REEP3: variants seen among roughly 807,000 people sequenced by gnomAD.
REEP3 encodes receptor expression-enhancing protein 3.
Under a neutral mutation model 41.3 loss-of-function variants are expected in REEP3, and 20 were observed. The observed-to-expected ratio is 0.48, with a 90% CI of 0.34 to 0.70. The LOEUF is 0.70. Ranked by LOEUF, REEP3 falls within the 30% of genes least tolerant of loss-of-function variation. The pLI, the probability that REEP3 is intolerant of heterozygous loss-of-function variation, is 0.01. For synonymous variants in REEP3, 104 were observed against 101.8 expected (o/e 1.02, Z -0.13); for missense variants, 271 against 308.8 (o/e 0.88, Z 0.92).
chr10:63,615,436 G>C (rs1956304687), intron 6 of REEP3, among the ~76,000 whole-genome samples: 1 of 152,012 alleles, frequency 6.6e-6, no homozygotes, highest in African/African-American at 2.4e-5. Flanking sequence ...TTACAGGCAT[G>C]AGTCACCAAG....
At chr10:63,596,907 T>G (rs1277120174) in intron 3 of REEP3, among the ~76,000 whole-genome samples, 1 of 152,150 alleles carries the variant, frequency 6.6e-6, no homozygotes, top group Non-Finnish European at 1.5e-5. Flanking sequence ...CCTCCCAAAG[T>G]GCTGGGATTA....
intron 2 of REEP3, among the ~76,000 whole-genome samples, chr10:63,587,576 A>G (rs1363065758): frequency 6.6e-6 from 1 of 152,212 alleles, no homozygotes; most frequent in East Asian, 1.9e-4. Flanking sequence ...TTTTTCACAT[A>G]AAAGTCCTGG....
chr10:63,578,202 C>A (rs879713430), intron 2 of REEP3, among the ~76,000 whole-genome samples: 1 of 152,100 alleles, frequency 6.6e-6, no homozygotes, highest in Non-Finnish European at 1.5e-5. Flanking sequence ...CAGGTTCAAG[C>A]GATTCTCTTG....
chr10:63,556,425 G>T (rs960067586), intron 1 of REEP3, among the ~76,000 whole-genome samples: 2 of 151,746 alleles, frequency 1.3e-5, no homozygotes, highest in Admixed American at 1.3e-4. Flanking sequence ...CCTGGCCTAT[G>T]ATTCTATTTT....
intron 1 of REEP3, among the ~76,000 whole-genome samples, chr10:63,539,557 C>T (rs1157673238): frequency 6.6e-6 from 1 of 152,096 alleles, no homozygotes; most frequent in Non-Finnish European, 1.5e-5. Flanking sequence ...ACTCAGGAGG[C>T]TGAGGTGGGA....
intron 2 of REEP3, among the ~76,000 whole-genome samples, chr10:63,581,612 A>G (rs1955954836): frequency 6.6e-6 from 1 of 151,972 alleles, no homozygotes; most frequent in Non-Finnish European, 1.5e-5. Context: ...GCGTGGTGGC[A>G]TGTGCCTATA....
At chr10:63,566,283 A>C in intron 1 of REEP3, 55 bp from the exon 2 acceptor site, 1 of 937,622 alleles carries the variant, frequency 1.1e-6, no homozygotes, top group Non-Finnish European at 1.7e-6. Flanking sequence ...AATTTTTATG[A>C]GCTGTTTAAA....
intron 2 of REEP3, among the ~76,000 whole-genome samples, chr10:63,588,394 A>G (rs1956027312): frequency 6.6e-6 from 1 of 152,196 alleles, no homozygotes; most frequent in Admixed American, 6.5e-5. Flanking sequence ...ATCCTTGAGA[A>G]CATAAACATG....
intron 2 of REEP3, among the ~76,000 whole-genome samples, chr10:63,585,982 G>A (rs1164541828): frequency 3.3e-5 from 5 of 152,078 alleles, no homozygotes; most frequent in Non-Finnish European, 5.9e-5. Flanking sequence ...TTTCATAAAA[G>A]TTTTCTCTAA....
At chr10:63,547,757 C>T (rs1271421093) in intron 1 of REEP3, among the ~76,000 whole-genome samples, 1 of 152,122 alleles carries the variant, frequency 6.6e-6, no homozygotes, top group Non-Finnish European at 1.5e-5. Context: ...GCTCTTCTAC[C>T]ATTTGCATCA....
intron 1 of REEP3, among the ~76,000 whole-genome samples, chr10:63,523,254 C>T (rs991889832): frequency 2.6e-5 from 4 of 152,168 alleles, no homozygotes; most frequent in African/African-American, 9.7e-5. Flanking sequence ...AAAAGTTACA[C>T]CCACTCTAAT....
intron 2 of REEP3, among the ~76,000 whole-genome samples, chr10:63,588,867 C>A (rs1166003120): frequency 6.6e-6 from 1 of 152,106 alleles, no homozygotes. Flanking sequence ...AGTGAGCAAG[C>A]TCTTCACATG....
chr10:63,577,514 C>T (rs1285349556), intron 2 of REEP3, among the ~76,000 whole-genome samples: 1 of 152,164 alleles, frequency 6.6e-6, no homozygotes, highest in Non-Finnish European at 1.5e-5. Flanking sequence ...AGCTCCACCT[C>T]CTGGGTTCAT....
chr10:63,577,068 A>T (rs1264780391), intron 2 of REEP3, among the ~76,000 whole-genome samples: 2 of 152,304 alleles, frequency 1.3e-5, no homozygotes, highest in East Asian at 3.9e-4. Flanking sequence ...CATTTCTTGG[A>T]AAGTTATCAA....
chr10:63,542,898 G>A (rs748498294), intron 1 of REEP3, among the ~76,000 whole-genome samples: 3 of 152,174 alleles, frequency 2.0e-5, no homozygotes, highest in Non-Finnish European at 2.9e-5. Flanking sequence ...CTCTGGGCAC[G>A]TTCAAGGTAC....
chr10:63,525,442 G>A (rs1289391469), intron 1 of REEP3, among the ~76,000 whole-genome samples: 1 of 151,654 alleles, frequency 6.6e-6, no homozygotes, highest in Non-Finnish European at 1.5e-5. Flanking sequence ...TTTTGAGACG[G>A]AGTTTTTCTC....
chr10:63,594,831 A>C lies in REEP3; in HGVS notation c.159A>C (p.Thr53=). ...TTGCTCTCTATACTGTGATTGAAACAGTAGCCGATCAAACAGTTGCTTGGT... is the reference window on the plus strand; with the variant it reads ...TTGCTCTCTATACTGTGATTGAAACCGTAGCCGATCAAACAGTTGCTTGGT... ...IVFALYTVIE[T]VADQTVAWFP... The change falls in exon 3 of 8, where the codon ACA becomes ACC. Residue 53 remains threonine (T), a synonymous_variant. Coordinates refer to ENST00000373758, the MANE Select transcript of REEP3 (RefSeq NM_001001330.3). The C allele has an allele frequency of 6.2e-7, 1 of 1,612,076 alleles. No homozygotes were observed. Among genetic ancestry groups the C allele is most frequent in the Non-Finnish European group, 8.5e-7 (1 of 1,178,140 alleles).
chr10:63,603,051 C>T (rs1449914795), intron 5 of REEP3, among the ~76,000 whole-genome samples: 1 of 150,404 alleles, frequency 6.6e-6, no homozygotes, highest in Non-Finnish European at 1.5e-5. Flanking sequence ...CAGTGGCTCA[C>T]ACCTGTAATC....
intron 2 of REEP3, among the ~76,000 whole-genome samples, chr10:63,586,731 T>G (rs905658008): frequency 6.6e-6 from 1 of 152,164 alleles, no homozygotes; most frequent in African/African-American, 2.4e-5. Flanking sequence ...GGGGTCTTGC[T>G]GTGTTGCCCA....
Sources: allele counts gnomAD v4.1 joint callset (sites outside exome capture counted in the v4.1 genomes callset), GRCh38; gene constraint gnomAD v4.1.1; transcripts MANE v1.5; gene names NCBI Gene and HGNC (gene_info 2026-07-23, HGNC 2026-07-21).